The following COBL variants were observed in gnomAD, a reference collection of about 807,000 sequenced individuals.
The protein encoded by COBL is protein cordon-bleu.
A neutral mutation model predicts 98.8 loss-of-function variants in COBL; 51 were observed. That is an observed-to-expected ratio of 0.52 (90% CI 0.41 to 0.65). COBL has a LOEUF of 0.65. Among genes scored for constraint, COBL ranks in the 30% least tolerant of loss-of-function variants. COBL has a pLI of 0.00. For missense variants in COBL, 1,617 were observed against 1,617.5 expected (o/e 1.00, Z 0.01); for synonymous variants, 634 against 651.7 (o/e 0.97, Z 0.41).
intron 6 of COBL, among the ~76,000 whole-genome samples, chr7:51,134,098 T>C (rs960185307): frequency 5.9e-5 from 9 of 152,218 alleles, no homozygotes; most frequent in Admixed American, 3.3e-4. Context: ...ACAAACATCT[T>C]ATCTTTATAT....
At chr7:51,109,987 T>C (rs1016163798) in intron 6 of COBL, among the ~76,000 whole-genome samples, 2 of 152,192 alleles carry the variant, frequency 1.3e-5, no homozygotes, top group African/African-American at 2.4e-5. Context: ...TTTAAAAAAA[T>C]TGATACATAA....
intron 1 of COBL, among the ~76,000 whole-genome samples, chr7:51,282,049 AC>A (rs1799864436): frequency 6.6e-6 from 1 of 152,168 alleles, no homozygotes. Context: ...AAAGGGATAT[AC>A]TAAAAATCCC....
chr7:51,157,862 T>G (rs576784889), intron 5 of COBL, among the ~76,000 whole-genome samples: 1 of 152,354 alleles, frequency 6.6e-6, no homozygotes, highest in East Asian at 1.9e-4. Flanking sequence ...ATTTAGCTGT[T>G]GCACAATGCA....
chr7:51,082,746 C>G (rs934389190), intron 7 of COBL, among the ~76,000 whole-genome samples: 1 of 152,230 alleles, frequency 6.6e-6, no homozygotes, highest in African/African-American at 2.4e-5. Flanking sequence ...GGACAGCTGT[C>G]TCTCTCTACA....
At chr7:51,235,309 T>C (rs979534219) in intron 1 of COBL, among the ~76,000 whole-genome samples, 1 of 152,168 alleles carries the variant, frequency 6.6e-6, no homozygotes, top group African/African-American at 2.4e-5. Flanking sequence ...TCTTTCTTGA[T>C]TGGATTGAGG....
chr7:51,198,553 C>A (rs1160137899), intron 2 of COBL, among the ~76,000 whole-genome samples: 1 of 152,200 alleles, frequency 6.6e-6, no homozygotes, highest in Non-Finnish European at 1.5e-5. Context: ...ATTTTCCTAG[C>A]AGAATGTTTC....
intron 1 of COBL, among the ~76,000 whole-genome samples, chr7:51,287,912 C>A (rs997894623): frequency 1.3e-5 from 2 of 151,998 alleles, no homozygotes; most frequent in South Asian, 2.1e-4. Flanking sequence ...GTATGCTGTG[C>A]GAAAGAGGTT....
chr7:51,259,116 T>C (rs546290186), intron 1 of COBL, among the ~76,000 whole-genome samples: 1 of 152,006 alleles, frequency 6.6e-6, no homozygotes, highest in Non-Finnish European at 1.5e-5. Flanking sequence ...GGTGAAACCC[T>C]GTCTCTACTA....
chr7:51,044,455 T>G (rs780129007), intron 7 of COBL, among the ~76,000 whole-genome samples: 8 of 152,214 alleles, frequency 5.3e-5, no homozygotes, highest in Non-Finnish European at 1.0e-4. Flanking sequence ...TTACTGAGCT[T>G]CTAGATTCTC....
chr7:51,299,111 G>A (rs1341327187), intron 1 of COBL, among the ~76,000 whole-genome samples: 1 of 152,152 alleles, frequency 6.6e-6, no homozygotes, highest in African/African-American at 2.4e-5. Flanking sequence ...CAGACAGGCT[G>A]CACAGCACAC....
intron 1 of COBL, among the ~76,000 whole-genome samples, chr7:51,269,679 T>C (rs1408809206): frequency 2.0e-5 from 3 of 152,228 alleles, no homozygotes; most frequent in Admixed American, 6.5e-5. Flanking sequence ...GGTTTCACCA[T>C]AACGACCCTG....
intron 11 of COBL, 35 bp downstream of exon 11, chr7:51,026,511 G>A: frequency 1.9e-6 from 3 of 1,607,430 alleles, no homozygotes; most frequent in Non-Finnish European, 2.6e-6. Context: ...GTGGGTTTGA[G>A]CTCCTGGCGC....
Position 51,028,377 on chromosome 7 carries a change from G to C in COBL, c.2719C>G (p.Pro907Ala). The C allele has an allele frequency of 6.2e-7, 1 of 1,614,270 alleles. No individual in the cohort carries two copies. Among genetic ancestry groups the C allele is most frequent in the Non-Finnish European group, 8.5e-7 (1 of 1,180,048 alleles). Residue 907 changes from proline (P) to alanine (A), a missense_variant, in exon 10 of 13, where the codon CCT (proline) becomes GCT (alanine). Physicochemically the swap from Pro to Ala is conservative, Grantham distance 27. Transcript: ENST00000265136. ...GTCCTGTCATCTTTCACAGTGACAG[G>C]TGGTGCAGCCAGCACTGGCGCCTTG... ...AGKAPVLAAP[P>A]VTVKDDRTSS... is the part of the protein sequence containing the mutation.
At chr7:51,052,134 C>T (rs1790309643) in intron 7 of COBL, among the ~76,000 whole-genome samples, 1 of 152,092 alleles carries the variant, frequency 6.6e-6, no homozygotes, top group African/African-American at 2.4e-5. Context: ...GTCCACATGC[C>T]CCCTGTAGTG....
chr7:51,039,284 T>C (rs1397522303), intron 8 of COBL, among the ~76,000 whole-genome samples: 1 of 152,242 alleles, frequency 6.6e-6, no homozygotes, highest in Non-Finnish European at 1.5e-5. Flanking sequence ...GGTTCCTCTG[T>C]GCAGGTGGCC....
At chr7:51,227,550 G>A (rs1418910986) in intron 1 of COBL, among the ~76,000 whole-genome samples, 2 of 152,294 alleles carry the variant, frequency 1.3e-5, no homozygotes, top group South Asian at 4.2e-4. Flanking sequence ...TGCTATGGGT[G>A]TGCCCAGCAG....
At chr7:51,030,953 T>C (rs932829598) in intron 8 of COBL, 44 bp from the exon 9 acceptor site, 4 of 1,272,644 alleles carry the variant, frequency 3.1e-6, no homozygotes, top group South Asian at 1.2e-5. Context: ...TCTCTTACTA[T>C]TGATTTAATG....
At chr7:51,236,471 G>A (rs2129113466) in intron 1 of COBL, among the ~76,000 whole-genome samples, 1 of 152,294 alleles carries the variant, frequency 6.6e-6, no homozygotes, top group African/African-American at 2.4e-5. Flanking sequence ...CCTGGTGAAG[G>A]AGACTTTAAG....
At chr7:51,041,870 C>T (rs1290923467) in intron 8 of COBL, among the ~76,000 whole-genome samples, 1 of 152,118 alleles carries the variant, frequency 6.6e-6, no homozygotes, top group African/African-American at 2.4e-5. Flanking sequence ...CATTGGCGGG[C>T]TGAAGAGAAT....
Sources: allele counts gnomAD v4.1 joint callset (sites outside exome capture counted in the v4.1 genomes callset), GRCh38; gene constraint gnomAD v4.1.1; transcripts MANE v1.5; gene names NCBI Gene and HGNC (gene_info 2026-07-23, HGNC 2026-07-21).